TPO: variants seen among roughly 807,000 people sequenced by gnomAD.
The protein encoded by TPO is thyroid peroxidase, also known as thyroid microsomal antigen.
TPO carries 78 observed loss-of-function variants against 96.9 expected under a neutral mutation model. That is an observed-to-expected ratio of 0.81 (90% confidence interval 0.67 to 0.97). The LOEUF is 0.97. Among genes scored for constraint, TPO ranks in the 50% least tolerant of loss-of-function variants. The pLI is 0.00. For missense variants in TPO, 1,252 were observed against 1,274.8 expected (o/e 0.98, Z 0.27); for synonymous variants, 547 against 538.0 (o/e 1.02, Z -0.23).
upstream of TPO, among the ~76,000 whole-genome samples, chr2:1,408,509 G>A (rs1662278882): frequency 6.6e-6 from 1 of 152,140 alleles, no homozygotes; most frequent in Non-Finnish European, 1.5e-5. Flanking sequence ...GTGGTAATTA[G>A]AGTACGGAGT....
chr2:1,537,054 C>T (rs1286688827), intron 15 of TPO, among the ~76,000 whole-genome samples: 1 of 42,838 alleles, frequency 2.3e-5, no homozygotes, highest in Non-Finnish European at 4.4e-5. Context: ...TGCAACCTCC[C>T]CAAATCCCTG....
At chr2:1,504,614 C>T (rs921312261) in intron 14 of TPO, among the ~76,000 whole-genome samples, 11 of 152,202 alleles carry the variant, frequency 7.2e-5, no homozygotes, top group South Asian at 2.1e-4. Context: ...TCAGGGACAG[C>T]GTCTTCCTCA....
intron 9 of TPO, among the ~76,000 whole-genome samples, chr2:1,485,578 A>G (rs1017883902): frequency 4.0e-5 from 6 of 151,596 alleles, no homozygotes; most frequent in Middle Eastern, 3.4e-3. Context: ...TGTTTTCCTG[A>G]CTTTTTAATG....
At chr2:1,490,411 C>G (rs1182876855) in intron 10 of TPO, among the ~76,000 whole-genome samples, 1 of 90,706 alleles carries the variant, frequency 1.1e-5, no homozygotes, top group Non-Finnish European at 2.2e-5. Flanking sequence ...GTGTAAGAGC[C>G]GCCACGAGGG....
chr2:1,440,402 A>G (rs911175489), intron 5 of TPO, among the ~76,000 whole-genome samples: 4 of 152,124 alleles, frequency 2.6e-5, no homozygotes, highest in African/African-American at 7.2e-5. Flanking sequence ...CTTTGTTGGT[A>G]TTTTCCTAAT....
intron 8 of TPO, among the ~76,000 whole-genome samples, chr2:1,480,191 TAA>T (rs1260189078): frequency 6.6e-6 from 1 of 152,254 alleles, no homozygotes; most frequent in Non-Finnish European, 1.5e-5. Context: ...TTCTGCTTTT[TAA>T]AAAACTGTGA....
At position 1,539,766 on chromosome 2, in the gene TPO, AGGCGG is replaced by A. The variant is rs369881372; in HGVS notation, c.2619-820_2619-816del. ...CCAGGGCCTGTGGTCCTCTTCAGGC[AGGCGG>A]GGCGGGGAATGCTCAGGACCGGTGA... On this transcript the variant is annotated intron_variant, in intron 15 of 16. Coordinates refer to ENST00000329066, the MANE Select transcript of TPO (RefSeq NM_001206744.2). Among the ~76,000 whole-genome samples, 618 of 150,904 alleles carry A rather than the reference AGGCGG, an allele frequency of 4.1e-3. 5 individuals are homozygous for A. Among genetic ancestry groups the A allele is most frequent in the Non-Finnish European group, 6.5e-3 (438 of 67,846 alleles).
intron 7 of TPO, among the ~76,000 whole-genome samples, chr2:1,467,406 G>A (rs764491203): frequency 1.2e-4 from 19 of 152,016 alleles, no homozygotes; most frequent in Admixed American, 3.3e-4. Context: ...GCCTGGCCCC[G>A]AAGAATTTTT....
rs915578311 is a variant in TPO at position 1,435,198 on chromosome 2, G to T, written c.350-1054G>T. Among the ~76,000 whole-genome samples, 6 of 152,350 alleles carry T rather than the reference G, an allele frequency of 3.9e-5. No individual in the cohort carries two copies. In the East Asian group the frequency reaches 1.2e-3, roughly 29 times the overall value. ...TCCACCCTCTTTGGCCTCCCAAAGTGCTGGGATTACAGGCGTGAGCCACCG... is the reference window on the plus strand; with the variant it reads ...TCCACCCTCTTTGGCCTCCCAAAGTTCTGGGATTACAGGCGTGAGCCACCG... On this transcript the variant is annotated intron_variant, in intron 4 of 16. Coordinates refer to ENST00000329066, the MANE Select transcript of TPO (RefSeq NM_001206744.2).
chr2:1,509,950 C>T (rs1238503637), intron 14 of TPO, among the ~76,000 whole-genome samples: 2 of 150,666 alleles, frequency 1.3e-5, no homozygotes, highest in Non-Finnish European at 3.0e-5. Context: ...CCCCCCTCTT[C>T]TTTCAGGCAC....
intron 1 of TPO, among the ~76,000 whole-genome samples, chr2:1,393,984 G>T (rs1662042932): frequency 6.6e-6 from 1 of 152,286 alleles, no homozygotes; most frequent in South Asian, 2.1e-4. Context: ...TGTGTCAAGG[G>T]CGCTTTAGTA....
intron 1 of TPO, among the ~76,000 whole-genome samples, chr2:1,376,622 C>A (rs1182353327): frequency 6.6e-6 from 1 of 152,084 alleles, no homozygotes; most frequent in Non-Finnish European, 1.5e-5. Flanking sequence ...TGAACAGCAC[C>A]CCCAGTCCAG....
intron 8 of TPO, among the ~76,000 whole-genome samples, chr2:1,481,993 C>G (rs1414689822): frequency 6.6e-6 from 1 of 152,202 alleles, no homozygotes; most frequent in African/African-American, 2.4e-5. Flanking sequence ...CCTTGGGGAG[C>G]TGGGTGCCTG....
intron 1 of TPO, among the ~76,000 whole-genome samples, chr2:1,395,700 A>T (rs534380478): frequency 1.3e-5 from 2 of 152,096 alleles, no homozygotes; most frequent in South Asian, 4.2e-4. Context: ...TAATTGAATC[A>T]TGGGGGTGGG....
At chr2:1,409,027 C>T (rs559106154), upstream of TPO, among the ~76,000 whole-genome samples, 3 of 152,244 alleles carry the variant, frequency 2.0e-5, no homozygotes, top group South Asian at 2.1e-4. Flanking sequence ...CTTGTAGAAA[C>T]GCAAAGCACA....
At chr2:1,535,303 T>TGTGCAACCTCCTATCACCCCC (rs1679352525) in intron 15 of TPO, among the ~76,000 whole-genome samples, 2 of 93,586 alleles carry the variant, frequency 2.1e-5, no homozygotes, top group Admixed American at 2.4e-4. Context: ...CAAATCCCTG[T>TGTGCAACCTCCTATCACCCCC]ACTGTGTGCA....
At chr2:1,476,571 C>G (rs1313771446) in intron 7 of TPO, among the ~76,000 whole-genome samples, 1 of 152,204 alleles carries the variant, frequency 6.6e-6, no homozygotes, top group Non-Finnish European at 1.5e-5. Context: ...AAGTCCATGG[C>G]ACTGGAAAGG....
intron 1 of TPO, among the ~76,000 whole-genome samples, chr2:1,403,714 G>A (rs146948976): frequency 2.2e-4 from 34 of 152,286 alleles, no homozygotes; most frequent in Middle Eastern, 3.4e-3. Flanking sequence ...TCCCGAGAGC[G>A]GCTCACAGAT....
chr2:1,480,820 A>AC (rs1558339107), intron 8 of TPO, among the ~76,000 whole-genome samples: 226 of 151,948 alleles, frequency 1.5e-3, no homozygotes, highest in African/African-American at 5.3e-3. Flanking sequence ...CGTCCACACC[A>AC]CGTCCCTGCT....
Sources: allele counts gnomAD v4.1 joint callset (sites outside exome capture counted in the v4.1 genomes callset), GRCh38; gene constraint gnomAD v4.1.1; transcripts MANE v1.5; gene names NCBI Gene and HGNC (gene_info 2026-07-23, HGNC 2026-07-21).